The following PDE4B variants were observed in gnomAD, a reference collection of about 807,000 sequenced individuals.
PDE4B encodes the protein 3',5'-cyclic-AMP phosphodiesterase 4B.
Under a neutral mutation model 82.2 loss-of-function variants are expected in PDE4B, and 20 were observed. The ratio of observed to expected loss-of-function variants is 0.24; its 90% CI spans 0.17 to 0.35. PDE4B has a LOEUF of 0.35. Ranked by LOEUF, PDE4B falls within the 10% of genes least tolerant of loss-of-function variation. PDE4B has a pLI of 1.00. For missense variants in PDE4B, 655 were observed against 907.2 expected (o/e 0.72, Z 3.57); for synonymous variants, 320 against 318.9 (o/e 1.00, Z -0.04).
rs573477508 is a variant in PDE4B at position 65,853,759 on chromosome 1, A to T, written c.-70-59486A>T. Among the ~76,000 whole-genome samples the T allele has an allele frequency of 4.6e-5, 7 of 151,956 alleles. No homozygotes were observed. The South Asian group carries it at 1.5e-3, about 32-fold the overall frequency. On this transcript the variant is annotated intron_variant, in intron 1 of 16. Coordinates refer to ENST00000341517, the MANE Select transcript of PDE4B (RefSeq NM_002600.4). ...TGGCCAGAATGGTCTCAATCTCTTG[A>T]CCTCGTGATCCGCCCACCTCAGCCT...
chr1:66,091,133 T>G (rs1320799519), intron 3 of PDE4B, among the ~76,000 whole-genome samples: 2 of 151,958 alleles, frequency 1.3e-5, no homozygotes, highest in Non-Finnish European at 2.9e-5. Flanking sequence ...TTTCTTTAGG[T>G]GAAAAGATTT....
intron 3 of PDE4B, among the ~76,000 whole-genome samples, chr1:66,151,174 A>G (rs1367623321): frequency 6.6e-6 from 1 of 152,176 alleles, no homozygotes; most frequent in East Asian, 1.9e-4. Context: ...TGAACTTTTC[A>G]TTGTTGGGTG....
intron 3 of PDE4B, among the ~76,000 whole-genome samples, chr1:66,054,760 A>G (rs990310047): frequency 3.9e-5 from 6 of 152,206 alleles, no homozygotes; most frequent in Non-Finnish European, 5.9e-5. Context: ...TCTGAAATAT[A>G]TGATGTATAC....
chr1:66,191,846 A>G (rs946902292), intron 3 of PDE4B, among the ~76,000 whole-genome samples: 2 of 152,136 alleles, frequency 1.3e-5, no homozygotes, highest in Admixed American at 1.3e-4. Context: ...GGGGAATGAG[A>G]ACCAAGCAAA....
chr1:65,940,679 C>G (rs773853992), intron 3 of PDE4B, among the ~76,000 whole-genome samples: 2 of 152,086 alleles, frequency 1.3e-5, no homozygotes, highest in Non-Finnish European at 2.9e-5. Context: ...ATGCTTTTTG[C>G]TTGATTTGCT....
intron 3 of PDE4B, among the ~76,000 whole-genome samples, chr1:66,097,069 A>T (rs1422845694): frequency 6.6e-6 from 1 of 152,016 alleles, no homozygotes; most frequent in African/African-American, 2.4e-5. Flanking sequence ...ACATGTGAGT[A>T]CAAGTTTTGT....
chr1:66,042,582 C>T (rs149916261), intron 3 of PDE4B: 8 of 151,786 alleles, frequency 5.3e-5, no homozygotes, highest in African/African-American at 1.9e-4. Context: ...ATGGCCAGAG[C>T]TCGGTCCAGT....
intron 1 of PDE4B, among the ~76,000 whole-genome samples, chr1:65,818,053 C>T (rs4259616): frequency 0.7 from 106,433 of 152,012 alleles, 38,699 homozygotes; most frequent in Non-Finnish European, 0.81. Flanking sequence ...TGATTTTGCC[C>T]TCATCATGTC....
At chr1:66,030,883 C>T (rs1312335122) in intron 3 of PDE4B, among the ~76,000 whole-genome samples, 1 of 152,202 alleles carries the variant, frequency 6.6e-6, no homozygotes, top group African/African-American at 2.4e-5. Flanking sequence ...ACTGCATGTT[C>T]TCACTTATAA....
chr1:66,046,350 C>A (rs1348383289), intron 3 of PDE4B: 1 of 151,710 alleles, frequency 6.6e-6, no homozygotes, highest in African/African-American at 2.4e-5. Context: ...AGGTTACACA[C>A]TTTAATAAAA....
intron 1 of PDE4B, among the ~76,000 whole-genome samples, chr1:65,814,126 C>T (rs1297458700): frequency 6.6e-6 from 1 of 152,112 alleles, no homozygotes; most frequent in African/African-American, 2.4e-5. Flanking sequence ...AAAATTCAGT[C>T]GTGAATTGAC....
chr1:66,155,105 G>A (rs1646476784), intron 3 of PDE4B, among the ~76,000 whole-genome samples: 1 of 152,088 alleles, frequency 6.6e-6, no homozygotes, highest in Non-Finnish European at 1.5e-5. Flanking sequence ...CTCCTGCCTG[G>A]GAAACAGGAG....
At chr1:66,212,942 G>C (rs1650179116) in intron 3 of PDE4B, among the ~76,000 whole-genome samples, 1 of 152,196 alleles carries the variant, frequency 6.6e-6, no homozygotes, top group South Asian at 2.1e-4. Context: ...AGTCCAAACA[G>C]CACACCATAA....
At chr1:66,041,319 C>T (rs1241446023) in intron 3 of PDE4B, among the ~76,000 whole-genome samples, 1 of 151,902 alleles carries the variant, frequency 6.6e-6, no homozygotes, top group Admixed American at 6.6e-5. Context: ...CCAGCATTTG[C>T]TCAATAATCA....
chr1:65,965,247 C>G (rs572881686), intron 3 of PDE4B, among the ~76,000 whole-genome samples: 1 of 134,130 alleles, frequency 7.5e-6, no homozygotes, highest in African/African-American at 2.6e-5. Context: ...GGCATTTCCT[C>G]CCCCCCCCAT....
chr1:65,842,158 T>C (rs1040100341), intron 1 of PDE4B, among the ~76,000 whole-genome samples: 1 of 152,182 alleles, frequency 6.6e-6, no homozygotes. Flanking sequence ...ATTTTCAAGA[T>C]GTTGTGCTAA....
chr1:66,118,973 T>G (rs1645654392), intron 3 of PDE4B, among the ~76,000 whole-genome samples: 1 of 152,214 alleles, frequency 6.6e-6, no homozygotes, highest in South Asian at 2.1e-4. Context: ...TCATCTCTTT[T>G]AACATATCCC....
chr1:65,887,251 C>CTTTCTTTCT (rs774808277), intron 1 of PDE4B, among the ~76,000 whole-genome samples: 2 of 27,926 alleles, frequency 7.2e-5, no homozygotes, highest in African/African-American at 2.9e-4. Context: ...TCTTTCTTTT[C>CTTTCTTTCT]TTTCTTTCTT....
At chr1:66,228,892 G>A (rs1651693668) in intron 3 of PDE4B, among the ~76,000 whole-genome samples, 1 of 139,816 alleles carries the variant, frequency 7.2e-6, no homozygotes, top group Non-Finnish European at 1.6e-5. Flanking sequence ...CTCCTATGTT[G>A]TAAAGTCTGT....
Sources: gnomAD v4.1 joint callset for allele counts (sites outside exome capture counted in the v4.1 genomes callset) on GRCh38, gnomAD v4.1.1 for gene constraint, MANE v1.5 for transcripts, NCBI Gene and HGNC (gene_info 2026-07-23, HGNC 2026-07-21) for gene names.